IFT74: variants seen among roughly 807,000 people sequenced by gnomAD.
IFT74 encodes the protein intraflagellar transport 74, also known as intraflagellar transport protein 74 homolog.
Under a neutral mutation model 96.7 loss-of-function variants are expected in IFT74, and 92 were observed. The ratio of observed to expected loss-of-function variants is 0.95; its 90% CI spans 0.80 to 1.13. The LOEUF (loss-of-function observed/expected upper bound fraction) is 1.13. IFT74 is among the 50% of genes most tolerant of loss of function. The pLI is 0.00. For missense variants in IFT74, 811 were observed against 698.2 expected (o/e 1.16, Z -1.82); for synonymous variants, 223 against 213.2 (o/e 1.05, Z -0.40).
At chr9:27,032,106 CA>C (rs1409352574) in intron 13 of IFT74, among the ~76,000 whole-genome samples, 1 of 152,026 alleles carries the variant, frequency 6.6e-6, no homozygotes, top group Non-Finnish European at 1.5e-5. Context: ...ACACAAATCA[CA>C]AAAAAAGTGA....
intron 16 of IFT74, among the ~76,000 whole-genome samples, chr9:27,054,409 A>G (rs1820068404): frequency 6.6e-6 from 1 of 152,060 alleles, no homozygotes; most frequent in African/African-American, 2.4e-5. Flanking sequence ...TACTCTTTTC[A>G]TATTTATCCA....
At chr9:27,029,743 G>A (rs903040655) in intron 13 of IFT74, among the ~76,000 whole-genome samples, 2 of 152,088 alleles carry the variant, frequency 1.3e-5, no homozygotes, top group South Asian at 4.1e-4. Flanking sequence ...AGTGAAACTC[G>A]GTCTCAATAA....
chr9:26,963,952 A>G (rs1294419488), intron 2 of IFT74, among the ~76,000 whole-genome samples: 1 of 151,820 alleles, frequency 6.6e-6, no homozygotes, highest in African/African-American at 2.4e-5. Context: ...TGCTGTGCAG[A>G]AGCTCTTTAG....
At chr9:26,952,156 T>C (rs1825954273), upstream of IFT74, among the ~76,000 whole-genome samples, 1 of 152,222 alleles carries the variant, frequency 6.6e-6, no homozygotes, top group Admixed American at 6.5e-5. Context: ...ACTTTTTCCT[T>C]TGTTTTCATA....
In IFT74 at chr9:27,009,165, C is replaced by A. The variant is rs1162431084; in HGVS notation, c.726+7C>A. ...AAATGAGAAACTGTTACAGGTAATA[C>A]AAATTACTGCTGTGTGCCAAGCATG... is the stretch of plus-strand genomic sequence containing the variant. On this transcript the variant is annotated splice_region_variant and intron_variant, in intron 9 of 19. Transcript: ENST00000380062. 1.2e-6 allele frequency: 2 copies of A among 1,608,836 alleles called. No homozygotes were observed. Among genetic ancestry groups the A allele is most frequent in the East Asian group, 2.2e-5 (1 of 44,698 alleles).
At chr9:27,011,125 C>A (rs574111506) in intron 9 of IFT74, among the ~76,000 whole-genome samples, 67 of 152,254 alleles carry the variant, frequency 4.4e-4, no homozygotes, top group Admixed American at 7.8e-4. Context: ...TGGTAGCAGG[C>A]CCCTGTAATC....
chr9:27,064,050 C>T lies in IFT74; in HGVS notation c.*1314C>T, dbSNP rs546689764. ...TTATTTTTTCTTGACTGCTCATAAC[C>T]CTTAATATGCTAATGTATAATAAGC... On this transcript the variant is annotated 3_prime_UTR_variant, in exon 20 of 20. Transcript: ENST00000380062. Among the ~76,000 whole-genome samples, 7 of 152,106 alleles carry T rather than the reference C, an allele frequency of 4.6e-5. No homozygotes were observed. The highest frequency in any genetic ancestry group is 1.0e-4 in the Non-Finnish European group (7 of 67,938).
chr9:27,028,388 G>C (rs1234934835), intron 12 of IFT74, among the ~76,000 whole-genome samples: 1 of 152,146 alleles, frequency 6.6e-6, no homozygotes, highest in Non-Finnish European at 1.5e-5. Flanking sequence ...TCAAAGGAAA[G>C]TTGGGAGGGG....
At chr9:27,002,734 C>T (rs1261133814) in intron 8 of IFT74, among the ~76,000 whole-genome samples, 2 of 152,154 alleles carry the variant, frequency 1.3e-5, no homozygotes, top group Non-Finnish European at 2.9e-5. Flanking sequence ...ATGCCTCCAG[C>T]TTTGTTCCTT....
At chr9:26,991,368 A>T (rs1363213567) in intron 8 of IFT74, among the ~76,000 whole-genome samples, 1 of 152,084 alleles carries the variant, frequency 6.6e-6, no homozygotes, top group Non-Finnish European at 1.5e-5. Flanking sequence ...CTACAGGTGC[A>T]TGCCACTATG....
At chr9:26,988,008 A>G (rs1827708520) in intron 6 of IFT74, among the ~76,000 whole-genome samples, 1 of 151,992 alleles carries the variant, frequency 6.6e-6, no homozygotes, top group South Asian at 2.1e-4. Flanking sequence ...GCTGGAGTGC[A>G]GTGGTGCCAT....
At chr9:26,957,429 A>G (rs897744394) in intron 1 of IFT74, among the ~76,000 whole-genome samples, 1 of 152,236 alleles carries the variant, frequency 6.6e-6, no homozygotes, top group Non-Finnish European at 1.5e-5. Flanking sequence ...GAGTCATTTC[A>G]TGAAATTCCT....
At chr9:26,981,994 C>T (rs959767740) in intron 4 of IFT74, among the ~76,000 whole-genome samples, 1 of 151,776 alleles carries the variant, frequency 6.6e-6, no homozygotes, top group Admixed American at 6.6e-5. Flanking sequence ...GTCTTAAACT[C>T]CTGACCTCAG....
Position 27,036,806 on chromosome 9 carries a change from G to A in IFT74, c.1054+7702G>A, listed in dbSNP as rs10967677. 8,178 of 1,082,740 alleles carry A rather than the reference G, an allele frequency of 7.6e-3. 486 individuals are homozygous for A. The African/African-American group carries it at 0.12, about 16-fold the overall frequency. 67.1% of individuals were successfully genotyped at this position (1,082,740 alleles called of 1,614,324 possible). On this transcript the variant is annotated intron_variant, in intron 13 of 19. Coordinates refer to ENST00000380062, the MANE Select transcript of IFT74 (RefSeq NM_025103.4). ...ATTCTTAGATCTTTTGAAAAGTGGC[G>A]TGTGATTTACCAAAGTGACACAATA...
intron 1 of IFT74, among the ~76,000 whole-genome samples, chr9:26,957,178 A>G (rs1826149045): frequency 6.6e-6 from 1 of 152,230 alleles, no homozygotes; most frequent in Non-Finnish European, 1.5e-5. Flanking sequence ...CCCCGAAGTT[A>G]GTGGTATATT....
intron 8 of IFT74, chr9:26,995,905 T>TA (rs1828130970): frequency 1.6e-6 from 2 of 1,212,278 alleles, no homozygotes; most frequent in Non-Finnish European, 2.3e-6. Context: ...GTTGGCAAAA[T>TA]AATCATAATT....
At chr9:27,004,867 T>G (rs1207619560) in intron 8 of IFT74, among the ~76,000 whole-genome samples, 1 of 152,148 alleles carries the variant, frequency 6.6e-6, no homozygotes, top group Non-Finnish European at 1.5e-5. Flanking sequence ...AAAAAAGAGC[T>G]TTACTCAAAG....
At chr9:26,992,950 A>G (rs1827953916) in intron 8 of IFT74, among the ~76,000 whole-genome samples, 1 of 152,182 alleles carries the variant, frequency 6.6e-6, no homozygotes, top group Admixed American at 6.5e-5. Flanking sequence ...AAACTCATCT[A>G]TAAAAAGTTG....
chr9:27,059,802 C>T (rs1046433374), intron 18 of IFT74, among the ~76,000 whole-genome samples: 47 of 152,302 alleles, frequency 3.1e-4, no homozygotes, highest in African/African-American at 7.5e-4. Context: ...GAAACATTTC[C>T]ACTGTTGCTT....
Sources: allele counts gnomAD v4.1 joint callset (sites outside exome capture counted in the v4.1 genomes callset), GRCh38; gene constraint gnomAD v4.1.1; transcripts MANE v1.5; gene names NCBI Gene and HGNC (gene_info 2026-07-23, HGNC 2026-07-21).